The following ZFHX3 variants were observed in gnomAD, a reference collection of about 807,000 sequenced individuals.
ZFHX3 encodes zinc finger homeobox protein 3.
A neutral mutation model predicts 279.1 loss-of-function variants in ZFHX3; 42 were observed. That is an observed-to-expected ratio of 0.15 (90% CI 0.12 to 0.19). ZFHX3 has a LOEUF of 0.19. ZFHX3 is among the 10% of genes least tolerant of loss of function. ZFHX3 has a pLI of 1.00. For synonymous variants in ZFHX3, 2,293 were observed against 1,957.8 expected, an observed-to-expected ratio of 1.17 and a Z score of -4.52; for missense variants, 4,981 against 4,754.0, an observed-to-expected ratio of 1.05 and a Z score of -1.40.
intron 3 of ZFHX3, among the ~76,000 whole-genome samples, chr16:73,438,092 T>A (rs1255256043): frequency 1.3e-5 from 2 of 151,016 alleles, no homozygotes; most frequent in East Asian, 1.9e-4. Context: ...AAAAAAAAAA[T>A]GGCAAATGTG....
chr16:73,511,254 C>T (rs1433721367), intron 2 of ZFHX3, among the ~76,000 whole-genome samples: 1 of 152,232 alleles, frequency 6.6e-6, no homozygotes, highest in Admixed American at 6.5e-5. Flanking sequence ...GCCAACTCAA[C>T]AATCCACCCT....
chr16:72,945,217 G>A (rs1960606977), intron 3 of ZFHX3, among the ~76,000 whole-genome samples: 1 of 152,224 alleles, frequency 6.6e-6, no homozygotes, highest in Non-Finnish European at 1.5e-5. Context: ...AAGGTACCCA[G>A]CTTTCATGCC....
chr16:72,950,304 CA>C (rs1185815362), intron 3 of ZFHX3, among the ~76,000 whole-genome samples, 164 bp downstream of exon 3: 6 of 152,114 alleles, frequency 3.9e-5, no homozygotes, highest in African/African-American at 1.4e-4. Context: ...CACCTGGTGA[CA>C]AAGTGGACAC....
chr16:72,984,449 C>T (rs949776726), intron 1 of ZFHX3, among the ~76,000 whole-genome samples: 3 of 151,932 alleles, frequency 2.0e-5, no homozygotes, highest in Non-Finnish European at 4.4e-5. Flanking sequence ...CAACACAGTG[C>T]GACCTCGTCT....
At chr16:73,306,014 T>G (rs1007993459) in intron 4 of ZFHX3, among the ~76,000 whole-genome samples, 1 of 152,198 alleles carries the variant, frequency 6.6e-6, no homozygotes, top group Non-Finnish European at 1.5e-5. Context: ...TCTGGCTCAG[T>G]GGAACCCGCA....
intron 2 of ZFHX3, among the ~76,000 whole-genome samples, chr16:73,618,980 G>A (rs1393745514): frequency 6.6e-6 from 1 of 152,124 alleles, no homozygotes; most frequent in Non-Finnish European, 1.5e-5. Context: ...TTCTGGAGGA[G>A]GGAGGTGGAA....
intron 5 of ZFHX3, among the ~76,000 whole-genome samples, chr16:73,197,146 C>T (rs1968167839): frequency 6.6e-6 from 1 of 152,302 alleles, no homozygotes; most frequent in East Asian, 1.9e-4. Flanking sequence ...CCACTTCTAA[C>T]CCCTGCTGAA....
chr16:73,665,375 A>C (rs550017415), intron 2 of ZFHX3, among the ~76,000 whole-genome samples: 1 of 151,566 alleles, frequency 6.6e-6, no homozygotes, highest in Non-Finnish European at 1.5e-5. Context: ...CACCATGCCC[A>C]GCTAATTTTT....
intron 7 of ZFHX3, among the ~76,000 whole-genome samples, chr16:73,103,517 T>C (rs1824021157): frequency 6.6e-6 from 1 of 152,194 alleles, no homozygotes; most frequent in Non-Finnish European, 1.5e-5. Context: ...TTTCCATAGC[T>C]CTCTGAACCT....
intron 3 of ZFHX3, among the ~76,000 whole-genome samples, chr16:73,345,907 C>T (rs780653986): frequency 6.6e-6 from 1 of 152,134 alleles, no homozygotes; most frequent in Non-Finnish European, 1.5e-5. Flanking sequence ...CCTGACTCAG[C>T]TGTGGCCAGA....
chr16:73,367,550 T>C (rs2016550815), intron 3 of ZFHX3, among the ~76,000 whole-genome samples: 1 of 152,138 alleles, frequency 6.6e-6, no homozygotes, highest in South Asian at 2.1e-4. Flanking sequence ...AAATGTTTAC[T>C]GGCCACCTCC....
intron 2 of ZFHX3, among the ~76,000 whole-genome samples, chr16:73,596,057 G>C (rs1425391780): frequency 2.0e-5 from 3 of 150,632 alleles, no homozygotes; most frequent in Admixed American, 2.0e-4. Flanking sequence ...GTCTGGCTCT[G>C]TCACCCAGGC....
At chr16:73,618,938 C>G (rs1470575091) in intron 2 of ZFHX3, among the ~76,000 whole-genome samples, 1 of 152,146 alleles carries the variant, frequency 6.6e-6, no homozygotes, top group East Asian at 1.9e-4. Flanking sequence ...TGACTTGTCA[C>G]AGCTGACTAC....
chr16:73,333,155 A>G (rs1166993557), intron 3 of ZFHX3, among the ~76,000 whole-genome samples: 2 of 152,254 alleles, frequency 1.3e-5, no homozygotes, highest in East Asian at 3.8e-4. Context: ...ATACATGGAT[A>G]CATAGACACA....
intron 7 of ZFHX3, among the ~76,000 whole-genome samples, chr16:73,112,902 C>G (rs1015077490): frequency 1.8e-4 from 27 of 151,858 alleles, no homozygotes; most frequent in Non-Finnish European, 4.0e-4. Flanking sequence ...ACAGCCCCAT[C>G]GGAGCCAGGC....
chr16:73,596,370 T>C (rs1423728893), intron 2 of ZFHX3, among the ~76,000 whole-genome samples: 1 of 152,012 alleles, frequency 6.6e-6, no homozygotes, highest in Non-Finnish European at 1.5e-5. Context: ...CACATGGGAG[T>C]TTTGCTAAAC....
intron 1 of ZFHX3, among the ~76,000 whole-genome samples, chr16:73,728,664 C>T (rs1187121863): frequency 6.6e-6 from 1 of 152,128 alleles, no homozygotes; most frequent in East Asian, 1.9e-4. Flanking sequence ...AGCTGAGGAA[C>T]TGGGAATCTG....
intron 7 of ZFHX3, among the ~76,000 whole-genome samples, chr16:73,105,398 T>TATATATACACACACACAC (rs1966287655): frequency 1.6e-5 from 2 of 122,128 alleles, no homozygotes; most frequent in African/African-American, 8.1e-5. Flanking sequence ...CACACACATA[T>TATATATACACACACACAC]ATATATATAT....
At chr16:73,582,867 C>G (rs1487931297) in intron 2 of ZFHX3, among the ~76,000 whole-genome samples, 1 of 151,930 alleles carries the variant, frequency 6.6e-6, no homozygotes, top group Non-Finnish European at 1.5e-5. Flanking sequence ...GCTTAAGAAG[C>G]CATATAAAAT....
Sources: gnomAD v4.1 joint callset for allele counts (sites outside exome capture counted in the v4.1 genomes callset) on GRCh38, gnomAD v4.1.1 for gene constraint, MANE v1.5 for transcripts, NCBI Gene and HGNC (gene_info 2026-07-23, HGNC 2026-07-21) for gene names.